Variants in LPP observed in about 807,000 individuals in gnomAD.
The protein encoded by LPP is LIM domain containing preferred translocation partner in lipoma, also known as lipoma-preferred partner.
A neutral mutation model predicts 60.4 loss-of-function variants in LPP; 38 were observed. The ratio of observed to expected loss-of-function variants is 0.63; its 90% CI spans 0.49 to 0.83. The LOEUF is 0.83. LPP is among the 40% of genes least tolerant of loss of function. The pLI is 0.00. For missense variants in LPP, 902 were observed against 783.6 expected, an observed-to-expected ratio of 1.15 and a Z score of -1.80; for synonymous variants, 328 against 290.8, an observed-to-expected ratio of 1.13 and a Z score of -1.30.
At chr3:188,404,062 A>T (rs775451230) in intron 3 of LPP, among the ~76,000 whole-genome samples, 2 of 152,192 alleles carry the variant, frequency 1.3e-5, no homozygotes, top group Admixed American at 6.5e-5. Context: ...TCGTCTTTTA[A>T]GAAAACTATA....
chr3:188,380,627 C>T (rs1171644761), intron 3 of LPP, among the ~76,000 whole-genome samples: 3 of 152,174 alleles, frequency 2.0e-5, no homozygotes, highest in African/African-American at 4.8e-5. Flanking sequence ...CAGACTTTTG[C>T]AAGAGGAAGG....
intron 4 of LPP, among the ~76,000 whole-genome samples, chr3:188,475,629 G>A (rs1057313626): frequency 2.0e-5 from 3 of 152,162 alleles, no homozygotes; most frequent in East Asian, 1.9e-4. Context: ...CAGGCCGGGC[G>A]TGGTGGCTCA....
At chr3:188,556,790 G>T (rs971124456) in intron 6 of LPP, among the ~76,000 whole-genome samples, 2 of 126,072 alleles carry the variant, frequency 1.6e-5, no homozygotes, top group Non-Finnish European at 3.6e-5. Flanking sequence ...CCAGGTTTCT[G>T]AATGCCCTGG....
At chr3:188,713,763 A>T (rs891017640) in intron 8 of LPP, among the ~76,000 whole-genome samples, 10 of 152,210 alleles carry the variant, frequency 6.6e-5, no homozygotes, top group African/African-American at 2.4e-4. Context: ...CCTCTCTAAA[A>T]GTGTACTGAA....
intron 1 of LPP, among the ~76,000 whole-genome samples, chr3:188,200,543 A>G (rs1254095074): frequency 6.6e-6 from 1 of 152,190 alleles, no homozygotes; most frequent in Non-Finnish European, 1.5e-5. Flanking sequence ...TCAACATCTT[A>G]ATAGTTAGTG....
chr3:188,796,482 A>T (rs983076463), intron 9 of LPP, among the ~76,000 whole-genome samples: 1 of 152,100 alleles, frequency 6.6e-6, no homozygotes, highest in South Asian at 2.1e-4. Flanking sequence ...GCAATAGGGG[A>T]GCTATGGAAG....
intron 1 of LPP, among the ~76,000 whole-genome samples, chr3:188,211,700 T>C (rs1306285205): frequency 6.6e-6 from 1 of 152,206 alleles, no homozygotes; most frequent in Admixed American, 6.5e-5. Context: ...CTTGAGAGTC[T>C]GGTTTTATTC....
chr3:188,670,541 A>G (rs1856763761), intron 7 of LPP, among the ~76,000 whole-genome samples: 1 of 151,144 alleles, frequency 6.6e-6, no homozygotes, highest in Admixed American at 6.6e-5. Context: ...ATTCAAGGCT[A>G]TCTCAGGCCA....
intron 3 of LPP, among the ~76,000 whole-genome samples, chr3:188,386,328 G>A (rs1778306669): frequency 6.7e-6 from 1 of 149,550 alleles, no homozygotes; most frequent in Non-Finnish European, 1.5e-5. Flanking sequence ...TGCCTTATTA[G>A]CCATTTATTC....
intron 5 of LPP, among the ~76,000 whole-genome samples, chr3:188,487,523 A>C (rs1480493347): frequency 6.6e-6 from 1 of 152,254 alleles, no homozygotes; most frequent in Non-Finnish European, 1.5e-5. Flanking sequence ...AGGATAAAAA[A>C]TAAAATACGG....
In LPP at chr3:188,154,500, C is replaced by A. The variant is rs905072600; in HGVS notation, c.-190+248C>A. Among the ~76,000 whole-genome samples the A allele has an allele frequency of 3.3e-5, 5 of 152,096 alleles. No homozygotes were observed. The East Asian group carries it at 7.8e-4, about 24-fold the overall frequency. On this transcript the variant is annotated intron_variant, in intron 1 of 11. Transcript: ENST00000617246. Reference sequence around the variant, plus strand: ...CTAGGCGGGGTTGGAGCCTTGCGCGCCCCCTGCCCGGACTTTTCTGGGCGC... The same window carrying A: ...CTAGGCGGGGTTGGAGCCTTGCGCGACCCCTGCCCGGACTTTTCTGGGCGC...
At chr3:188,795,634 C>A (rs888893378) in intron 9 of LPP, among the ~76,000 whole-genome samples, 3 of 152,050 alleles carry the variant, frequency 2.0e-5, no homozygotes, top group African/African-American at 7.2e-5. Context: ...ACACTGTATA[C>A]CCCCAAAAGA....
intron 9 of LPP, among the ~76,000 whole-genome samples, chr3:188,829,069 A>G (rs1006779870): frequency 1.3e-5 from 2 of 152,138 alleles, no homozygotes; most frequent in Admixed American, 6.6e-5. Context: ...TGTGCCCAGC[A>G]CATCAGAGAT....
At chr3:188,507,628 C>T (rs1018605589) in intron 5 of LPP, among the ~76,000 whole-genome samples, 11 of 152,072 alleles carry the variant, frequency 7.2e-5, no homozygotes, top group African/African-American at 2.7e-4. Context: ...GTCAGCAAAA[C>T]CTTGTATAGC....
chr3:188,476,324 A>G (rs576511477), intron 4 of LPP, among the ~76,000 whole-genome samples: 1 of 152,206 alleles, frequency 6.6e-6, no homozygotes, highest in African/African-American at 2.4e-5. Context: ...TTTGGTGACC[A>G]CACAATTTCC....
At chr3:188,655,348 G>A (rs1012260348) in intron 7 of LPP, among the ~76,000 whole-genome samples, 4 of 152,046 alleles carry the variant, frequency 2.6e-5, no homozygotes, top group African/African-American at 9.7e-5. Context: ...TCAAGATGAG[G>A]GAAAGGACAT....
In LPP at chr3:188,351,583, A is replaced by T. The variant is rs1765854017; in HGVS notation, c.-10+9864A>T. ...TGTCTGTTATGTGACAGGCCTTGTG[A>T]CAGGTGTTTTCACATAGTTTAGCTT... On this transcript the variant is annotated intron_variant, in intron 3 of 11. Coordinates refer to ENST00000617246, the MANE Select transcript of LPP (RefSeq NM_001375462.1). Among the ~76,000 whole-genome samples the T allele has an allele frequency of 2.0e-5, 3 of 152,342 alleles. No individual in the cohort carries two copies. The South Asian group carries it at 6.2e-4, about 32-fold the overall frequency.
chr3:188,869,657 T>A (rs1259343174), intron 10 of LPP, among the ~76,000 whole-genome samples: 3 of 152,204 alleles, frequency 2.0e-5, no homozygotes, highest in Non-Finnish European at 4.4e-5. Flanking sequence ...AGGGATCTTG[T>A]TAAACTTTGG....
At chr3:188,425,484 C>T (rs1460775429) in intron 4 of LPP, among the ~76,000 whole-genome samples, 1 of 152,132 alleles carries the variant, frequency 6.6e-6, no homozygotes, top group South Asian at 2.1e-4. Flanking sequence ...GGAGGAGTCC[C>T]TCTTTTTCTA....
Sources: allele counts gnomAD v4.1 joint callset (sites outside exome capture counted in the v4.1 genomes callset), GRCh38; gene constraint gnomAD v4.1.1; transcripts MANE v1.5; gene names NCBI Gene and HGNC (gene_info 2026-07-23, HGNC 2026-07-21).